LRP1B: variants seen among roughly 807,000 people sequenced by gnomAD.
LRP1B encodes low-density lipoprotein receptor-related protein 1B.
In LRP1B, 217 loss-of-function variants were observed where a neutral mutation model predicts 556.6. The ratio of observed to expected loss-of-function variants is 0.39; its 90% CI spans 0.35 to 0.44. LRP1B has a LOEUF of 0.44. Among genes scored for constraint, LRP1B ranks in the 20% least tolerant of loss-of-function variants. LRP1B has a pLI of 1.00. For synonymous variants in LRP1B, 2,047 were observed against 1,865.8 expected (o/e 1.10, Z -2.50); for missense variants, 5,053 against 5,620.8 (o/e 0.90, Z 3.23).
intron 1 of LRP1B, among the ~76,000 whole-genome samples, chr2:141,917,167 CAT>C (rs1197403328): frequency 2.0e-5 from 3 of 152,046 alleles, no homozygotes; most frequent in Admixed American, 6.5e-5. Flanking sequence ...TAAAATAAGA[CAT>C]ATTATATAAT....
At chr2:140,334,023 A>AC (rs1251135842) in intron 79 of LRP1B, among the ~76,000 whole-genome samples, 2 of 151,148 alleles carry the variant, frequency 1.3e-5, no homozygotes, top group Non-Finnish European at 3.0e-5. Flanking sequence ...AACAAAACAA[A>AC]AAAAAAAACA....
At chr2:140,564,284 G>A (rs1489309465) in intron 43 of LRP1B, among the ~76,000 whole-genome samples, 4 of 151,864 alleles carry the variant, frequency 2.6e-5, no homozygotes, top group African/African-American at 9.7e-5. Flanking sequence ...TTTGAAACCT[G>A]GTAGCAAATT....
chr2:140,752,984 C>T (rs1334997271), intron 35 of LRP1B, among the ~76,000 whole-genome samples: 1 of 152,142 alleles, frequency 6.6e-6, no homozygotes, highest in Admixed American at 6.6e-5. Context: ...AATATAATAT[C>T]AAACAGAGTA....
At chr2:140,434,127 T>C (rs1358762972) in intron 66 of LRP1B, among the ~76,000 whole-genome samples, 1 of 152,070 alleles carries the variant, frequency 6.6e-6, no homozygotes, top group African/African-American at 2.4e-5. Context: ...TGGAGTGTAG[T>C]GGTGCGATCT....
intron 43 of LRP1B, among the ~76,000 whole-genome samples, chr2:140,565,739 T>C (rs906029695): frequency 1.3e-5 from 2 of 152,132 alleles, no homozygotes; most frequent in African/African-American, 2.4e-5. Flanking sequence ...GAAACCCTAG[T>C]GAGCAGAAAA....
At position 140,769,277 on chromosome 2, in the gene LRP1B, G is replaced by T; in HGVS notation, c.5694C>A (p.Asp1898Glu). The change falls in exon 35 of 91, where the codon GAC becomes GAA. Residue 1898 changes from aspartate to glutamate, a missense_variant. Physicochemically the swap from Asp to Glu is conservative, Grantham distance 45. Transcript: ENST00000389484. ...ATATAGGCATCAAAGCATCCATTTTGTCACTTGGTTCAAGAGGTATTCCCC... is the reference window on the plus strand; with the variant it reads ...ATATAGGCATCAAAGCATCCATTTTTTCACTTGGTTCAAGAGGTATTCCCC... The part of the protein sequence containing the change: ...GIRGIPLEPS[D>E]KMDALMPISG... 1.2e-6 allele frequency: 2 copies of T among 1,612,110 alleles called. No homozygotes were observed. Among genetic ancestry groups the T allele is most frequent in the African/African-American group, 1.3e-5 (1 of 74,924 alleles).
intron 7 of LRP1B, among the ~76,000 whole-genome samples, chr2:141,125,855 A>ACCC (rs544473781): frequency 1.4e-4 from 21 of 149,828 alleles, no homozygotes; most frequent in African/African-American, 5.2e-4. Flanking sequence ...AAAAAAAAAA[A>ACCC]AAAAAACAAA....
At chr2:141,425,228 G>T (rs1218205202) in intron 3 of LRP1B, among the ~76,000 whole-genome samples, 2 of 151,722 alleles carry the variant, frequency 1.3e-5, no homozygotes, top group Non-Finnish European at 2.9e-5. Context: ...TTTCATCCAT[G>T]TCCCTACAAA....
At chr2:140,743,453 C>G (rs960094829) in intron 35 of LRP1B, among the ~76,000 whole-genome samples, 1 of 152,106 alleles carries the variant, frequency 6.6e-6, no homozygotes, top group Non-Finnish European at 1.5e-5. Context: ...CAAATCAAAT[C>G]CAAACCTGCC....
intron 1 of LRP1B, among the ~76,000 whole-genome samples, chr2:142,063,056 C>A (rs1349182721): frequency 7.8e-4 from 98 of 124,882 alleles, no homozygotes; most frequent in East Asian, 1.9e-3. Flanking sequence ...ATTACCTGAC[C>A]AAAAAAAAAA....
intron 1 of LRP1B, among the ~76,000 whole-genome samples, chr2:142,022,097 G>A (rs1359789288): frequency 6.6e-6 from 1 of 152,056 alleles, no homozygotes; most frequent in Non-Finnish European, 1.5e-5. Context: ...CAGATCAGAA[G>A]TGTATATTTT....
intron 3 of LRP1B, among the ~76,000 whole-genome samples, chr2:141,414,385 G>GAGGA (rs34653484): frequency 0.94 from 142,322 of 151,330 alleles, 67,514 homozygotes; most frequent in East Asian, 1. Context: ...GGGAGGGAGG[G>GAGGA]AGGAAGAAAG....
chr2:141,452,399 C>T (rs935475723), intron 3 of LRP1B, among the ~76,000 whole-genome samples: 1 of 152,016 alleles, frequency 6.6e-6, no homozygotes, highest in Admixed American at 6.6e-5. Context: ...TATTGTATTT[C>T]TTGAAGAGAG....
chr2:141,691,305 A>G (rs1691518980), intron 2 of LRP1B, among the ~76,000 whole-genome samples: 1 of 151,894 alleles, frequency 6.6e-6, no homozygotes, highest in South Asian at 2.1e-4. Context: ...CAGGAGCATA[A>G]GGGAACTTGA....
intron 86 of LRP1B, among the ~76,000 whole-genome samples, chr2:140,255,636 T>C (rs72910132): frequency 0.039 from 5,903 of 152,266 alleles, 125 homozygotes; most frequent in South Asian, 0.083. Flanking sequence ...TGCTGATCAG[T>C]GTACTTGCTG....
At chr2:141,509,492 G>GT (rs1684045261) in intron 2 of LRP1B, among the ~76,000 whole-genome samples, 1 of 152,070 alleles carries the variant, frequency 6.6e-6, no homozygotes, top group Non-Finnish European at 1.5e-5. Context: ...CACTGTTATT[G>GT]TAAGTTTAAA....
chr2:141,512,538 C>T (rs180752251), intron 2 of LRP1B, among the ~76,000 whole-genome samples: 1 of 152,282 alleles, frequency 6.6e-6, no homozygotes, highest in East Asian at 1.9e-4. Flanking sequence ...AGAGCTCCCT[C>T]CAGCTTAGTT....
At chr2:142,082,863 T>C (rs1440163756) in intron 1 of LRP1B, among the ~76,000 whole-genome samples, 1 of 152,188 alleles carries the variant, frequency 6.6e-6, no homozygotes, top group Non-Finnish European at 1.5e-5. Context: ...CACTATTCCA[T>C]CTTTTAAAAC....
intron 18 of LRP1B, among the ~76,000 whole-genome samples, chr2:140,972,220 C>G (rs1696446681): frequency 6.6e-6 from 1 of 152,078 alleles, no homozygotes; most frequent in Non-Finnish European, 1.5e-5. Flanking sequence ...AGCTTGCATA[C>G]CACTTCTAAA....
Sources: gnomAD v4.1 joint callset for allele counts (sites outside exome capture counted in the v4.1 genomes callset) on GRCh38, gnomAD v4.1.1 for gene constraint, MANE v1.5 for transcripts, NCBI Gene and HGNC (gene_info 2026-07-23, HGNC 2026-07-21) for gene names.